Variants in FREM3 observed in about 807,000 individuals in gnomAD.
FREM3 encodes the protein FRAS1-related extracellular matrix protein 3.
A neutral mutation model predicts 129.1 loss-of-function variants in FREM3; 105 were observed. That is an observed-to-expected ratio of 0.81 (90% CI 0.69 to 0.96). The LOEUF (loss-of-function observed/expected upper bound fraction) is 0.96, where lower values mean the gene tolerates loss of function less well. Ranked by LOEUF, FREM3 falls within the 40% of genes least tolerant of loss-of-function variation. The pLI is 0.00. For synonymous variants in FREM3, 1,014 were observed against 1,044.9 expected, an observed-to-expected ratio of 0.97 and a Z score of 0.57; for missense variants, 2,593 against 2,666.3, an observed-to-expected ratio of 0.97 and a Z score of 0.61.
At chr4:143,666,055 T>C (rs556448853) in intron 2 of FREM3, among the ~76,000 whole-genome samples, 1 of 152,256 alleles carries the variant, frequency 6.6e-6, no homozygotes, top group Admixed American at 6.5e-5. Context: ...TGATTGCTCT[T>C]CTTAGTTTCA....
intron 2 of FREM3, among the ~76,000 whole-genome samples, chr4:143,687,497 C>T (rs1740390670): frequency 1.3e-5 from 2 of 152,148 alleles, no homozygotes; most frequent in East Asian, 3.9e-4. Flanking sequence ...ACGGAACCCT[C>T]CCTAATTCAT....
chr4:143,660,659 A>G (rs550629050), intron 2 of FREM3, among the ~76,000 whole-genome samples: 41 of 152,258 alleles, frequency 2.7e-4, no homozygotes, highest in Middle Eastern at 6.8e-3. Flanking sequence ...CACTGAATCT[A>G]TAAATTACCT....
chr4:143,687,940 C>T (rs1158496456), intron 2 of FREM3, among the ~76,000 whole-genome samples: 1 of 152,072 alleles, frequency 6.6e-6, no homozygotes, highest in African/African-American at 2.4e-5. Flanking sequence ...TCATTCCCTT[C>T]GAGAACTGGA....
chr4:143,578,820 A>G (rs1313759772), intron 7 of FREM3, among the ~76,000 whole-genome samples: 3 of 152,220 alleles, frequency 2.0e-5, no homozygotes, highest in Non-Finnish European at 4.4e-5. Flanking sequence ...TTGTAGGTTG[A>G]AGAAAACAAA....
At chr4:143,659,648 A>G (rs1739668118) in intron 2 of FREM3, among the ~76,000 whole-genome samples, 1 of 100,724 alleles carries the variant, frequency 9.9e-6, no homozygotes, top group Middle Eastern at 4.1e-3. Context: ...ATCCCTGAGG[A>G]ATCACCCCAC....
At chr4:143,657,137 A>T (rs1451587748) in intron 2 of FREM3, among the ~76,000 whole-genome samples, 4 of 152,236 alleles carry the variant, frequency 2.6e-5, no homozygotes, top group African/African-American at 9.6e-5. Flanking sequence ...GCAGCAAATA[A>T]ATCACATTTT....
chr4:143,661,484 T>G (rs369046907), intron 2 of FREM3, among the ~76,000 whole-genome samples: 27 of 151,868 alleles, frequency 1.8e-4, no homozygotes, highest in African/African-American at 5.1e-4. Context: ...TGCTGGATTC[T>G]GTTTGCCAGT....
At chr4:143,664,558 C>T (rs1048225551) in intron 2 of FREM3, among the ~76,000 whole-genome samples, 3 of 152,164 alleles carry the variant, frequency 2.0e-5, no homozygotes, top group African/African-American at 7.2e-5. Context: ...CTTGAGGAGG[C>T]AGTCTGCCCG....
At chr4:143,580,633 C>T (rs1457028479) in intron 7 of FREM3, among the ~76,000 whole-genome samples, 1 of 152,154 alleles carries the variant, frequency 6.6e-6, no homozygotes, top group Non-Finnish European at 1.5e-5. Context: ...CACAACTTGC[C>T]TCCACTGAAC....
intron 2 of FREM3, among the ~76,000 whole-genome samples, chr4:143,636,107 C>G (rs1330135760): frequency 2.0e-5 from 3 of 151,028 alleles, no homozygotes; most frequent in Non-Finnish European, 4.4e-5. Flanking sequence ...ATAACTTAAG[C>G]TTTTATTATT....
At chr4:143,601,372 A>G (rs1738569241) in intron 6 of FREM3, among the ~76,000 whole-genome samples, 1 of 152,206 alleles carries the variant, frequency 6.6e-6, no homozygotes, top group Non-Finnish European at 1.5e-5. Flanking sequence ...TAATATTTAT[A>G]GGGAAATTTT....
rs1738750718 is a variant in FREM3, at chr4:143,611,293, G to T, written c.6014C>A (p.Ala2005Asp). ...RFPTTKVTIL[A>D]DRYDEPVLHF... The stretch of plus-strand genomic sequence containing the variant: ...AATGGACTTACCATCATAACGATCA[G>T]CCAGAATAGTCACCTTAGTGGTGGG... The change falls in exon 6 of 8, where the codon GCT (alanine) becomes GAT (aspartate). Residue 2005 changes from alanine to aspartate, a missense_variant. By Grantham distance (126) the Ala-to-Asp change is moderately radical. Coordinates refer to ENST00000329798, the MANE Select transcript of FREM3 (RefSeq NM_001168235.2). The T allele has an allele frequency of 1.3e-6, 2 of 1,536,806 alleles. No individual in the cohort carries two copies. The highest frequency in any genetic ancestry group is 1.2e-5 in the South Asian group (1 of 84,026).
intron 2 of FREM3, among the ~76,000 whole-genome samples, chr4:143,680,582 T>C (rs758421203): frequency 1.8e-4 from 27 of 152,142 alleles, no homozygotes; most frequent in Non-Finnish European, 3.4e-4. Context: ...ATTTTATAAC[T>C]GTCTTTGCCT....
chr4:143,584,960 A>G (rs1738211995), intron 7 of FREM3, among the ~76,000 whole-genome samples: 1 of 152,224 alleles, frequency 6.6e-6, no homozygotes, highest in African/African-American at 2.4e-5. Flanking sequence ...AATAGAAACC[A>G]ATACCATGAA....
intron 2 of FREM3, among the ~76,000 whole-genome samples, chr4:143,682,402 G>A (rs56169459): frequency 1.1e-3 from 172 of 152,274 alleles, no homozygotes; most frequent in African/African-American, 4.0e-3. Context: ...AATGGCTGCT[G>A]TCTGCAACCA....
Position 143,697,130 on chromosome 4 carries a change from G to A in FREM3, c.3546C>T (p.Phe1182=). The change falls in exon 1 of 8, where the codon TTC becomes TTT. Residue 1182 remains phenylalanine, a synonymous_variant. Coordinates refer to ENST00000329798, the MANE Select transcript of FREM3 (RefSeq NM_001168235.2). The stretch of plus-strand genomic sequence containing the variant: ...CATTGGTGGGTAGGATGATTATAGG[G>A]AAGAAGACATTTGGGGAGAAGTTGA... ...DGINFSPNVF[F]PIIILPTNDE... is the part of the protein sequence containing the mutation. 6.5e-7 allele frequency: 1 copy of A among 1,537,860 alleles called. No homozygotes were observed. The highest frequency in any genetic ancestry group is 1.4e-5 in the African/African-American group (1 of 73,138).
At chr4:143,677,770 C>G (rs1460769560) in intron 2 of FREM3, among the ~76,000 whole-genome samples, 1 of 152,154 alleles carries the variant, frequency 6.6e-6, no homozygotes, top group East Asian at 1.9e-4. Context: ...ATTTATGCAG[C>G]CAACAGACAT....
At chr4:143,650,436 C>T (rs1214094713) in intron 2 of FREM3, among the ~76,000 whole-genome samples, 1 of 152,220 alleles carries the variant, frequency 6.6e-6, no homozygotes, top group Non-Finnish European at 1.5e-5. Flanking sequence ...TATCTAAACC[C>T]TCACCAGGCC....
chr4:143,673,476 G>A (rs1004664360), intron 2 of FREM3, among the ~76,000 whole-genome samples: 11 of 152,200 alleles, frequency 7.2e-5, no homozygotes, highest in African/African-American at 2.4e-4. Context: ...GGGGTACCCG[G>A]CCGTGTGAGG....
Sources: allele counts gnomAD v4.1 joint callset (sites outside exome capture counted in the v4.1 genomes callset), GRCh38; gene constraint gnomAD v4.1.1; transcripts MANE v1.5; gene names NCBI Gene and HGNC (gene_info 2026-07-23, HGNC 2026-07-21).